The following UROC1 variants were observed in gnomAD, a reference collection of about 807,000 sequenced individuals.
The protein encoded by UROC1 is urocanate hydratase 1.
Under a neutral mutation model 89.5 loss-of-function variants are expected in UROC1, and 79 were observed. The observed-to-expected ratio is 0.88, with a 90% CI of 0.74 to 1.06. The LOEUF (loss-of-function observed/expected upper bound fraction) is 1.06, where lower values mean the gene tolerates loss of function less well. UROC1 is among the 50% of genes least tolerant of loss of function. The pLI, the probability that UROC1 is intolerant of heterozygous loss-of-function variation, is 0.00. For missense variants in UROC1, 885 were observed against 907.8 expected, an observed-to-expected ratio of 0.97 and a Z score of 0.32; for synonymous variants, 361 against 354.8, an observed-to-expected ratio of 1.02 and a Z score of -0.20.
intron 7 of UROC1, 44 bp downstream of exon 7, chr3:126,505,901 C>T (rs780994172): frequency 1.4e-5 from 23 of 1,612,252 alleles, no homozygotes; most frequent in East Asian, 1.1e-4. Context: ...CCCTCCACCC[C>T]CCATGCTGGG....
chr3:126,488,344 G>A, intron 17 of UROC1, 65 bp from the exon 18 acceptor site: 1 of 1,587,418 alleles, frequency 6.3e-7, no homozygotes, highest in Non-Finnish European at 8.6e-7. Flanking sequence ...GCTCAGTCAG[G>A]CCAGCCTCGC....
chr3:126,484,470 A>G (rs1935467312), intron 18 of UROC1, among the ~76,000 whole-genome samples: 1 of 152,214 alleles, frequency 6.6e-6, no homozygotes, highest in Non-Finnish European at 1.5e-5. Context: ...CCTCACTTGC[A>G]GTATATCTGT....
chr3:126,498,119 T>TC lies in UROC1; in HGVS notation c.1369dup (p.Asp457GlyfsTer22), dbSNP rs1360759811. 7.4e-6 allele frequency: 12 copies of TC among 1,613,624 alleles called. No homozygotes were observed. Among genetic ancestry groups the TC allele is most frequent in the Admixed American group, 6.7e-5 (4 of 59,974 alleles). Reference sequence around the variant, plus strand: ...GTCTGTGACCGCCAGGTCCTGGGGGTCCCCCGATGTGCACACCCAGCGGAA... The same window carrying TC: ...GTCTGTGACCGCCAGGTCCTGGGGGTCCCCCCGATGTGCACACCCAGCGGAA... On this transcript the variant is annotated frameshift_variant, in exon 14 of 20. Coordinates refer to ENST00000290868, the MANE Select transcript of UROC1 (RefSeq NM_144639.3). LOFTEE classifies it high-confidence loss of function.
rs369545977 is a variant in UROC1 at position 126,508,001 on chromosome 3, C to G, written c.506G>C (p.Arg169Pro). The G allele has an allele frequency of 2.5e-6, 4 of 1,614,022 alleles. No homozygotes were observed. Among genetic ancestry groups the G allele is most frequent in the Non-Finnish European group, 3.4e-6 (4 of 1,180,032 alleles). ...GHPLGLFPSS[R>P]SAPRLVITNG... ...GGTGATGACGAGCCGTGGGGCACTG[C>G]GGCTGCTGGGAAAGAGGCCAAGTGG... The change falls in exon 5 of 20, where the codon CGC (arginine) becomes CCC (proline). Residue 169 changes from arginine to proline, a missense_variant. Arg to Pro is a moderately radical substitution (Grantham distance 103). Coordinates refer to ENST00000290868, the MANE Select transcript of UROC1 (RefSeq NM_144639.3).
intron 1 of UROC1, among the ~76,000 whole-genome samples, chr3:126,514,908 T>C (rs1174567317): frequency 6.6e-6 from 1 of 152,030 alleles, no homozygotes; most frequent in Non-Finnish European, 1.5e-5. Context: ...CTTTTATACA[T>C]TCGATTTCTT....
intron 13 of UROC1, 114 bp downstream of exon 13, chr3:126,499,223 C>T: frequency 8.3e-7 from 1 of 1,200,378 alleles, no homozygotes; most frequent in Non-Finnish European, 1.2e-6. Context: ...AGCGCATGAC[C>T]TCAGGGGCGG....
chr3:126,482,551 C>T (rs752405812), intron 19 of UROC1, 66 bp from the exon 20 acceptor site: 12 of 1,611,836 alleles, frequency 7.4e-6, no homozygotes, highest in Non-Finnish European at 1.0e-5. Context: ...AGTCTTGGCT[C>T]CCACACTTGG....
intron 15 of UROC1, among the ~76,000 whole-genome samples, chr3:126,494,485 C>T (rs1340015874): frequency 1.3e-5 from 2 of 152,184 alleles, no homozygotes; most frequent in East Asian, 1.9e-4. Flanking sequence ...GCTGTTGGCA[C>T]GGGGACTCTG....
intron 15 of UROC1, among the ~76,000 whole-genome samples, chr3:126,493,367 G>A (rs1236119680): frequency 3.9e-5 from 6 of 152,204 alleles, no homozygotes; most frequent in Non-Finnish European, 7.3e-5. Flanking sequence ...GAGGCGACCT[G>A]GGTATCCAGC....
chr3:126,514,308 G>A (rs1304850409), intron 1 of UROC1, among the ~76,000 whole-genome samples: 1 of 152,240 alleles, frequency 6.6e-6, no homozygotes, highest in African/African-American at 2.4e-5. Context: ...TTGGATGCCT[G>A]GCACAGGCGC....
chr3:126,489,145 G>C, intron 17 of UROC1, 131 bp downstream of exon 17: 1 of 846,422 alleles, frequency 1.2e-6, no homozygotes, highest in Non-Finnish European at 2.0e-6. Flanking sequence ...CTCAGTCCTG[G>C]GTTGGTCACT....
chr3:126,500,526 G>A (rs1935893008), intron 11 of UROC1, among the ~76,000 whole-genome samples, 169 bp downstream of exon 11: 1 of 152,206 alleles, frequency 6.6e-6, no homozygotes, highest in South Asian at 2.1e-4. Context: ...ACTGCCGAGA[G>A]GTAAGTGTGT....
Position 126,499,378 on chromosome 3 carries a change from C to A in UROC1, c.1275G>T (p.Arg425Ser). The change falls in exon 13 of 20, where the codon AGG becomes AGT. Residue 425 changes from arginine (R) to serine (S), a missense_variant. Transcript: ENST00000290868. The stretch of plus-strand genomic sequence containing the variant: ...CATAGGAAGGGTAGCGGAACTCTGT[C>A]CTGCCAGCACCTTTCTTCTCCACAT... ...GADVEKKGAG[R>S]TEFRYPSYVQ... 1 of 1,612,812 alleles carries A rather than the reference C, an allele frequency of 6.2e-7. No individual in the cohort carries two copies. The highest frequency in any genetic ancestry group is 8.5e-7 in the Non-Finnish European group (1 of 1,179,806).
chr3:126,482,616 T>C, intron 19 of UROC1, 131 bp from the exon 20 acceptor site: 1 of 1,374,042 alleles, frequency 7.3e-7, no homozygotes, highest in South Asian at 1.2e-5. Flanking sequence ...TGCCCTTTTG[T>C]GTCTGCCCCA....
chr3:126,507,803 C>G lies in UROC1; in HGVS notation c.541G>C (p.Val181Leu). ...APRLVITNGM[V>L]IPNYSSRTEY... ...GTCCGGGAGGAGTAGTTGGGAATGA[C>G]CTGGAGAAGAGGATGGGGGCAGACA... Residue 181 changes from valine to leucine, a missense_variant and splice_region_variant, in exon 6 of 20, where the codon GTC (valine) becomes CTC (leucine). Physicochemically the swap from Val to Leu is conservative, Grantham distance 32. Coordinates refer to ENST00000290868, the MANE Select transcript of UROC1 (RefSeq NM_144639.3). 6.2e-7 allele frequency: 1 copy of G among 1,614,090 alleles called. No homozygotes were observed. Among genetic ancestry groups the G allele is most frequent in the Non-Finnish European group, 8.5e-7 (1 of 1,180,020 alleles).
At chr3:126,503,219 G>A (rs1935978258) in intron 9 of UROC1, among the ~76,000 whole-genome samples, 1 of 152,166 alleles carries the variant, frequency 6.6e-6, no homozygotes. Context: ...TAGAATGATA[G>A]GTCAAAATAG....
intron 13 of UROC1, 146 bp from the exon 14 acceptor site, chr3:126,498,318 G>T: frequency 7.2e-7 from 1 of 1,383,874 alleles, no homozygotes. Context: ...AAGTTCCAGG[G>T]GCCTCCCTGT....
chr3:126,483,309 T>A (rs540111350), intron 19 of UROC1, 60 bp downstream of exon 19: 1 of 1,499,606 alleles, frequency 6.7e-7, no homozygotes. Flanking sequence ...CAAACGTGGA[T>A]GGGGATCACC....
intron 6 of UROC1, among the ~76,000 whole-genome samples, chr3:126,507,454 T>C (rs1936091111): frequency 6.6e-6 from 1 of 152,136 alleles, no homozygotes; most frequent in Non-Finnish European, 1.5e-5. Context: ...TCACAGAAAT[T>C]CGGTGGTATT....
Sources: allele counts gnomAD v4.1 joint callset (sites outside exome capture counted in the v4.1 genomes callset), GRCh38; gene constraint gnomAD v4.1.1; transcripts MANE v1.5; gene names NCBI Gene and HGNC (gene_info 2026-07-23, HGNC 2026-07-21).